DDHD1: variants seen among roughly 807,000 people sequenced by gnomAD.
DDHD1 encodes DDHD domain containing 1.
In DDHD1, 49 loss-of-function variants were observed where a neutral mutation model predicts 96.4. That is an observed-to-expected ratio of 0.51 (90% confidence interval 0.40 to 0.64). DDHD1 has a LOEUF of 0.64. DDHD1 is among the 30% of genes least tolerant of loss of function. DDHD1 has a pLI of 0.00. For missense variants in DDHD1, 1,106 were observed against 1,161.2 expected (o/e 0.95, Z 0.69); for synonymous variants, 442 against 446.5 (o/e 0.99, Z 0.13).
At chr14:53,072,994 A>T (rs1019463700) in intron 5 of DDHD1, among the ~76,000 whole-genome samples, 10 of 152,014 alleles carry the variant, frequency 6.6e-5, no homozygotes, top group African/African-American at 2.4e-4. Context: ...CATGAAATTC[A>T]GGGATACTCA....
rs2139797011 is a variant in DDHD1, at chr14:53,044,384, A to G, written c.*2384T>C. On this transcript the variant is annotated 3_prime_UTR_variant, in exon 13 of 13. Coordinates refer to ENST00000673822, the MANE Select transcript of DDHD1 (RefSeq NM_001160148.2). ...ATAGGAACATACCTTTTACTCAGTG[A>G]TATCAAATTAAAAGGTCTGACATAA... The G allele has an allele frequency of 6.6e-6, 1 of 152,310 alleles. No individual in the cohort carries two copies. The highest frequency in any genetic ancestry group is 3.4e-3 in the Middle Eastern group (1 of 294). The allele number at this position is 152,310 out of a possible 1,614,324, so 9.4% of individuals were successfully genotyped here. A position where few individuals can be genotyped will look rare whatever the true frequency, so the allele number is the denominator to read the frequency against.
intron 1 of DDHD1, among the ~76,000 whole-genome samples, chr14:53,124,292 A>G (rs1258874454): frequency 1.3e-5 from 2 of 151,074 alleles, no homozygotes. Context: ...TTAATTGGTA[A>G]ATGGAATGAA....
At position 53,131,110 on chromosome 14, in the gene DDHD1, A is replaced by G. The variant is rs1226322127; in HGVS notation, c.838+21151T>C. Reference sequence around the variant, plus strand: ...CAGCTTGGACAACATTCCTTTATGCACTCCTTTTTTAGTTACCCTCACCTG... The same window carrying G: ...CAGCTTGGACAACATTCCTTTATGCGCTCCTTTTTTAGTTACCCTCACCTG... On this transcript the variant is annotated intron_variant, in intron 1 of 12. Transcript: ENST00000673822. 2.0e-5 allele frequency among the ~76,000 whole-genome samples: 3 copies of G among 151,614 alleles called. No individual in the cohort carries two copies. In the East Asian group the frequency reaches 5.8e-4, roughly 29 times the overall value.
In DDHD1 at chr14:53,152,425, G is replaced by A. The variant is rs1363738851; in HGVS notation, c.674C>T (p.Ser225Phe). 1 of 1,613,836 alleles carries A rather than the reference G, an allele frequency of 6.2e-7. No individual in the cohort carries two copies. Among genetic ancestry groups the A allele is most frequent in the Non-Finnish European group, 8.5e-7 (1 of 1,179,970 alleles). ...GCGGTCCTCATCGTCATCTTCTCCGGAACTGGAGGCTGGGCCCGTGGGGGA... is the reference window on the plus strand; with the variant it reads ...GCGGTCCTCATCGTCATCTTCTCCGAAACTGGAGGCTGGGCCCGTGGGGGA... ...VCSPTGPASS[S>F]GEDDDEDRAC... Residue 225 changes from serine to phenylalanine, a missense_variant, in exon 1 of 13, where the codon TCC becomes TTC. Ser to Phe is a radical substitution (Grantham distance 155). This residue lies in a region of DDHD1 where 456 missense variants were observed against 402.4 expected (regional missense o/e 1.13). Transcript: ENST00000673822.
At chr14:53,088,936 C>T (rs578093693) in intron 4 of DDHD1, among the ~76,000 whole-genome samples, 16 of 152,098 alleles carry the variant, frequency 1.1e-4, no homozygotes, top group Non-Finnish European at 1.9e-4. Flanking sequence ...TGTCTCAGCC[C>T]AAAATCTCCT....
At chr14:53,150,800 C>T (rs1297231039) in intron 1 of DDHD1, among the ~76,000 whole-genome samples, 1 of 152,084 alleles carries the variant, frequency 6.6e-6, no homozygotes, top group Non-Finnish European at 1.5e-5. Flanking sequence ...AATGCCTTCA[C>T]AAGAGTACCG....
intron 4 of DDHD1, among the ~76,000 whole-genome samples, chr14:53,088,116 C>T (rs1886137525): frequency 6.6e-6 from 1 of 151,970 alleles, no homozygotes; most frequent in African/African-American, 2.4e-5. Context: ...AAGACTAAAC[C>T]AGGAGGAAGT....
In DDHD1 at chr14:53,043,059, T is replaced by G. The variant is rs1042981820; in HGVS notation, c.*3709A>C. 1 of 152,226 alleles carries G rather than the reference T, an allele frequency of 6.6e-6. No individual in the cohort carries two copies. The highest frequency in any genetic ancestry group is 1.5e-5 in the Non-Finnish European group (1 of 68,042). The allele number at this position is 152,226 out of a possible 1,614,324, so 9.4% of individuals were successfully genotyped here. A position where few individuals can be genotyped will look rare whatever the true frequency, so the allele number is the denominator to read the frequency against. On this transcript the variant is annotated 3_prime_UTR_variant, in exon 13 of 13. Transcript: ENST00000673822. Reference sequence around the variant, plus strand: ...ATCTGACTCCACTGGAAGGGGCTCATGTACTATCACTGGAATGAACAGAGG... The same window carrying G: ...ATCTGACTCCACTGGAAGGGGCTCAGGTACTATCACTGGAATGAACAGAGG...
At chr14:53,135,806 A>G (rs1233282739) in intron 1 of DDHD1, among the ~76,000 whole-genome samples, 1 of 152,210 alleles carries the variant, frequency 6.6e-6, no homozygotes, top group Non-Finnish European at 1.5e-5. Flanking sequence ...ATAACTAGAA[A>G]ATCAGACAAA....
intron 2 of DDHD1, among the ~76,000 whole-genome samples, chr14:53,102,712 G>A (rs1257817648): frequency 6.8e-6 from 1 of 146,124 alleles, no homozygotes; most frequent in Non-Finnish European, 1.5e-5. Context: ...TTACTAACAA[G>A]AAGAAGAAAA....
intron 8 of DDHD1, among the ~76,000 whole-genome samples, chr14:53,059,389 C>A (rs890668490): frequency 6.6e-6 from 1 of 151,790 alleles, no homozygotes; most frequent in African/African-American, 2.4e-5. Flanking sequence ...GAACTACAGG[C>A]GCCCGCCACC....
chr14:53,103,119 A>T, intron 2 of DDHD1: 1 of 1,482,584 alleles, frequency 6.7e-7, no homozygotes, highest in South Asian at 1.2e-5. Flanking sequence ...CTCAAGATTT[A>T]GACACACAAT....
intron 1 of DDHD1, among the ~76,000 whole-genome samples, chr14:53,144,563 A>T (rs1164603041): frequency 5.3e-5 from 8 of 152,228 alleles, no homozygotes; most frequent in Non-Finnish European, 1.0e-4. Context: ...CTTTGTTTAA[A>T]AAATAAACAA....
chr14:53,148,382 G>A (rs920966233), intron 1 of DDHD1, among the ~76,000 whole-genome samples: 2 of 150,988 alleles, frequency 1.3e-5, no homozygotes, highest in Admixed American at 6.6e-5. Flanking sequence ...TCACAATTTC[G>A]CCTCACTGCA....
intron 1 of DDHD1, among the ~76,000 whole-genome samples, chr14:53,123,145 ATTATTATTAT>A (rs1173906448): frequency 7.0e-6 from 1 of 143,208 alleles, no homozygotes; most frequent in Non-Finnish European, 1.5e-5. Flanking sequence ...TATTATTATT[ATTATTATTAT>A]TATTATTTTG....
At position 53,041,418 on chromosome 14, in the gene DDHD1, A is replaced by G. The variant is rs1881640225; in HGVS notation, c.*5350T>C. 6.6e-6 allele frequency: 1 copy of G among 152,156 alleles called. No homozygotes were observed. 9.4% of individuals were successfully genotyped at this position (152,156 alleles called of 1,614,324 possible). A position where few individuals can be genotyped will look rare whatever the true frequency, so the allele number is the denominator to read the frequency against. On this transcript the variant is annotated 3_prime_UTR_variant, in exon 13 of 13. Transcript: ENST00000673822. The stretch of plus-strand genomic sequence containing the variant: ...CACACACACCAAAAAACAAAACAAA[A>G]CACAATAGTAAAAACTCTTCTCATA...
rs774646790 is a variant in DDHD1, at chr14:53,152,784, C to A, written c.315G>T (p.Glu105Asp). Residue 105 changes from glutamate (E) to aspartate (D), a missense_variant, in exon 1 of 13, where the codon GAG (glutamate) becomes GAT (aspartate). By Grantham distance (45) the Glu-to-Asp change is conservative (BLOSUM62 2). Coordinates refer to ENST00000673822, the MANE Select transcript of DDHD1 (RefSeq NM_001160148.2). ...AGCTGCCGCCGCCGCCGCTCTCACC[C>A]TCGCTGTAGTAGCGCAGCGAGGAGC... ...ESGSSLRYYSEGESGGGGSSL... is the reference protein window; with the variant it reads ...ESGSSLRYYSDGESGGGGSSL... 6.2e-7 allele frequency: 1 copy of A among 1,606,130 alleles called. No homozygotes were observed. The highest frequency in any genetic ancestry group is 8.5e-7 in the Non-Finnish European group (1 of 1,177,544).
intron 1 of DDHD1, among the ~76,000 whole-genome samples, chr14:53,136,686 C>G (rs1460531095): frequency 6.6e-6 from 1 of 152,098 alleles, no homozygotes; most frequent in Non-Finnish European, 1.5e-5. Context: ...AAACCTAATC[C>G]AAGAGGCAGT....
At chr14:53,083,812 T>G (rs957278190) in intron 4 of DDHD1, among the ~76,000 whole-genome samples, 1 of 152,214 alleles carries the variant, frequency 6.6e-6, no homozygotes, top group African/African-American at 2.4e-5. Context: ...CCTTTTTATA[T>G]GAATATTTTC....
Sources: allele counts gnomAD v4.1 joint callset (sites outside exome capture counted in the v4.1 genomes callset), GRCh38; gene constraint gnomAD v4.1.1; regional missense constraint gnomAD v4.1.1; transcripts MANE v1.5; gene names NCBI Gene and HGNC (gene_info 2026-07-23, HGNC 2026-07-21).